The following GNG12 variants were observed in gnomAD, a reference collection of about 807,000 sequenced individuals.
GNG12 encodes the protein guanine nucleotide-binding protein G(I)/G(S)/G(O) subunit gamma-12.
For synonymous variants in GNG12, 28 were observed against 29.7 expected, an observed-to-expected ratio of 0.94 and a Z score of 0.19; for missense variants, 69 against 83.8, an observed-to-expected ratio of 0.82 and a Z score of 0.69.
chr1:67,734,068 T>C (rs1557599861), intron 2 of GNG12, among the ~76,000 whole-genome samples: 2 of 152,068 alleles, frequency 1.3e-5, no homozygotes, highest in Non-Finnish European at 1.5e-5. Flanking sequence ...CACCAGAATG[T>C]TCTTTTTGCA....
At chr1:67,794,663 T>C (rs1212459177) in intron 1 of GNG12, among the ~76,000 whole-genome samples, 2 of 152,206 alleles carry the variant, frequency 1.3e-5, no homozygotes, top group Non-Finnish European at 2.9e-5. Flanking sequence ...TTACTTATAG[T>C]CTTGATATAT....
chr1:67,759,020 T>TA (rs1438274988), intron 2 of GNG12, among the ~76,000 whole-genome samples: 1 of 151,954 alleles, frequency 6.6e-6, no homozygotes, highest in Non-Finnish European at 1.5e-5. Flanking sequence ...TCAAAACAGC[T>TA]AAAAAAATGT....
intron 1 of GNG12, among the ~76,000 whole-genome samples, chr1:67,779,867 A>G (rs1377352373): frequency 1.3e-5 from 2 of 152,194 alleles, no homozygotes; most frequent in Non-Finnish European, 2.9e-5. Flanking sequence ...GGTAGAGCCT[A>G]TTGTGTCTAG....
intron 1 of GNG12, among the ~76,000 whole-genome samples, chr1:67,815,343 T>C (rs2154375): frequency 0.26 from 39,359 of 152,164 alleles, 5,702 homozygotes; most frequent in Admixed American, 0.34. Flanking sequence ...CAAAATTCAA[T>C]AGCCTACATA....
intron 1 of GNG12, among the ~76,000 whole-genome samples, chr1:67,785,134 G>C (rs1646760628): frequency 6.6e-6 from 1 of 151,896 alleles, no homozygotes; most frequent in Non-Finnish European, 1.5e-5. Flanking sequence ...TATTATCACA[G>C]CACCAATTCT....
intron 2 of GNG12, among the ~76,000 whole-genome samples, chr1:67,766,525 G>C (rs1045445356): frequency 6.6e-6 from 1 of 152,032 alleles, no homozygotes; most frequent in Admixed American, 6.6e-5. Context: ...CCTGAAGGCC[G>C]GCCAGCTCAT....
intron 2 of GNG12, among the ~76,000 whole-genome samples, chr1:67,773,580 C>T (rs1471784950): frequency 6.6e-6 from 1 of 152,058 alleles, no homozygotes; most frequent in African/African-American, 2.4e-5. Flanking sequence ...AACCATGGGG[C>T]TCAAAAGAGA....
intron 2 of GNG12, among the ~76,000 whole-genome samples, chr1:67,750,254 A>C (rs750487635): frequency 6.6e-6 from 1 of 152,150 alleles, no homozygotes; most frequent in Non-Finnish European, 1.5e-5. Context: ...AAAATGAGAG[A>C]GTCTTTGGTG....
At chr1:67,782,147 G>A (rs1646741006) in intron 1 of GNG12, among the ~76,000 whole-genome samples, 1 of 152,122 alleles carries the variant, frequency 6.6e-6, no homozygotes, top group African/African-American at 2.4e-5. Context: ...CACACATAAA[G>A]GACACTACTG....
chr1:67,792,324 G>A (rs1407707719), intron 1 of GNG12, among the ~76,000 whole-genome samples: 2 of 152,170 alleles, frequency 1.3e-5, no homozygotes, highest in Non-Finnish European at 2.9e-5. Flanking sequence ...CTGAATGAAT[G>A]CATATTCTCA....
chr1:67,771,442 C>T (rs778201522), intron 2 of GNG12, among the ~76,000 whole-genome samples: 4 of 152,228 alleles, frequency 2.6e-5, no homozygotes, highest in African/African-American at 7.2e-5. Flanking sequence ...TCAAGCCTGA[C>T]ATCTATCTGT....
chr1:67,740,934 A>G (rs1646479886), intron 2 of GNG12, among the ~76,000 whole-genome samples: 1 of 152,228 alleles, frequency 6.6e-6, no homozygotes, highest in Non-Finnish European at 1.5e-5. Context: ...TTGCTGTTAC[A>G]ACCATGAATA....
At chr1:67,746,246 C>A (rs1312815644) in intron 2 of GNG12, among the ~76,000 whole-genome samples, 1 of 152,164 alleles carries the variant, frequency 6.6e-6, no homozygotes, top group Non-Finnish European at 1.5e-5. Flanking sequence ...CCAGAGCCTT[C>A]TTTTTTAATT....
At position 67,703,828 on chromosome 1, in the gene GNG12, G is replaced by A. The variant is rs1646229141; in HGVS notation, c.*1623C>T. 1 of 152,248 alleles carries A rather than the reference G, an allele frequency of 6.6e-6. No individual in the cohort carries two copies. The highest frequency in any genetic ancestry group is 1.5e-5 in the Non-Finnish European group (1 of 68,048). 9.4% of individuals were successfully genotyped at this position (152,248 alleles called of 1,614,324 possible). A position where few individuals can be genotyped will look rare whatever the true frequency, so the allele number is the denominator to read the frequency against. ...CACCCTAAATGAGCTAATACTCAAAGCCCAGACATTAGATTTTAAAAGGGG... is the reference window on the plus strand; with the variant it reads ...CACCCTAAATGAGCTAATACTCAAAACCCAGACATTAGATTTTAAAAGGGG... On this transcript the variant is annotated 3_prime_UTR_variant, in exon 4 of 4. Coordinates refer to ENST00000370982, the MANE Select transcript of GNG12 (RefSeq NM_018841.6).
At chr1:67,798,184 G>T (rs1646843084) in intron 1 of GNG12, among the ~76,000 whole-genome samples, 1 of 152,186 alleles carries the variant, frequency 6.6e-6, no homozygotes, top group Admixed American at 6.5e-5. Context: ...AGCATGAGGT[G>T]AGCGGCAGGA....
At chr1:67,709,853 TA>T (rs1305906868) in intron 2 of GNG12, among the ~76,000 whole-genome samples, 42 of 122,704 alleles carry the variant, frequency 3.4e-4, no homozygotes, top group Middle Eastern at 3.9e-3. Flanking sequence ...TATATATATT[TA>T]TATATATATA....
At chr1:67,814,193 A>T (rs1308073905) in intron 1 of GNG12, among the ~76,000 whole-genome samples, 1 of 152,182 alleles carries the variant, frequency 6.6e-6, no homozygotes, top group East Asian at 1.9e-4. Context: ...AACAAAAAAA[A>T]ATTGTGCTTG....
At chr1:67,801,075 G>A (rs752700511) in intron 1 of GNG12, among the ~76,000 whole-genome samples, 5 of 152,112 alleles carry the variant, frequency 3.3e-5, no homozygotes, top group African/African-American at 2.4e-5. Context: ...CAAAGAGCCA[G>A]AAATGGGCAG....
At chr1:67,799,217 G>T (rs1276310) in intron 1 of GNG12, among the ~76,000 whole-genome samples, 39,132 of 152,088 alleles carry the variant, frequency 0.26, 5,660 homozygotes, top group Admixed American at 0.34. Context: ...ACTCTGTGTT[G>T]TTCGAGGGTC....
Sources: gnomAD v4.1 joint callset for allele counts (sites outside exome capture counted in the v4.1 genomes callset) on GRCh38, gnomAD v4.1.1 for gene constraint, MANE v1.5 for transcripts, NCBI Gene and HGNC (gene_info 2026-07-23, HGNC 2026-07-21) for gene names.